Variants in PDGFRA observed in about 807,000 individuals in gnomAD.
The protein encoded by PDGFRA is platelet derived growth factor receptor alpha, also known as platelet-derived growth factor receptor alpha.
Under a neutral mutation model 121.5 loss-of-function variants are expected in PDGFRA, and 25 were observed. That is an observed-to-expected ratio of 0.21 (90% confidence interval 0.15 to 0.29). PDGFRA has a LOEUF of 0.29. PDGFRA is among the 10% of genes least tolerant of loss of function. The pLI, the probability that PDGFRA is intolerant of heterozygous loss-of-function variation, is 1.00. For synonymous variants in PDGFRA, 463 were observed against 494.8 expected, an observed-to-expected ratio of 0.94 and a Z score of 0.85; for missense variants, 1,008 against 1,345.1, an observed-to-expected ratio of 0.75 and a Z score of 3.92.
chr4:54,241,603 G>A (rs1182032855), intron 1 of PDGFRA, among the ~76,000 whole-genome samples: 1 of 151,932 alleles, frequency 6.6e-6, no homozygotes, highest in Non-Finnish European at 1.5e-5. Context: ...AGGCTGGAGT[G>A]CAATGTCATG....
intron 9 of PDGFRA, among the ~76,000 whole-genome samples, chr4:54,272,834 G>C (rs1489152020): frequency 6.6e-6 from 1 of 152,160 alleles, no homozygotes; most frequent in African/African-American, 2.4e-5. Context: ...AAACATAAAT[G>C]TGACTGCTTA....
intron 21 of PDGFRA, among the ~76,000 whole-genome samples, chr4:54,289,823 A>G (rs749390721): frequency 5.3e-5 from 8 of 152,254 alleles, no homozygotes; most frequent in Non-Finnish European, 7.3e-5. Flanking sequence ...GCAGAAGGAA[A>G]TTAACCCTCA....
intron 7 of PDGFRA, among the ~76,000 whole-genome samples, chr4:54,269,729 G>A (rs994916859): frequency 2.0e-5 from 3 of 146,894 alleles, no homozygotes; most frequent in Non-Finnish European, 4.4e-5. Context: ...TGCAACCTCC[G>A]CCTCCTGGGT....
Position 54,269,797 on chromosome 4 carries a change from C to G in PDGFRA, c.1122-836C>G, listed in dbSNP as rs563086228. The stretch of plus-strand genomic sequence containing the variant: ...AGCTGGGATTACAGGCATGTGCCAC[C>G]ATGCCTGGCTAATTTTTTTTTTTTT... On this transcript the variant is annotated intron_variant, in intron 7 of 22. Transcript: ENST00000257290. Among the ~76,000 whole-genome samples, 20 of 146,614 alleles carry G rather than the reference C, an allele frequency of 1.4e-4. No homozygotes were observed. The East Asian group carries it at 3.6e-3, about 26-fold the overall frequency.
At chr4:54,232,680 G>T (rs1720751825) in intron 1 of PDGFRA, among the ~76,000 whole-genome samples, 1 of 152,200 alleles carries the variant, frequency 6.6e-6, no homozygotes, top group South Asian at 2.1e-4. Flanking sequence ...TGCCTCCCAG[G>T]TTCAAGCGAT....
Position 54,272,481 on chromosome 4 carries a change from T to C in PDGFRA, c.1325T>C (p.Leu442Pro), listed in dbSNP as rs139236922. ...TVRCTAEGTP[L>P]PDIEWMICKD... The stretch of plus-strand genomic sequence containing the variant: ...AGGTGCACAGCTGAAGGCACGCCGC[T>C]TCCTGATATTGAGTGGATGATATGC... The change falls in exon 9 of 23, where the codon CTT (leucine) becomes CCT (proline). Residue 442 changes from leucine to proline, a missense_variant. Leu to Pro is a moderately conservative substitution (Grantham distance 98). Coordinates refer to ENST00000257290, the MANE Select transcript of PDGFRA (RefSeq NM_006206.6). 1,523 of 1,614,070 alleles carry C rather than the reference T, an allele frequency of 9.4e-4. 1 individual carries two copies. Among genetic ancestry groups the C allele is most frequent in the Non-Finnish European group, 1.2e-3 (1,395 of 1,179,956 alleles).
intron 10 of PDGFRA, 147 bp from the exon 11 acceptor site, chr4:54,274,384 G>T: frequency 1.4e-6 from 1 of 702,392 alleles, no homozygotes; most frequent in South Asian, 1.5e-5. Flanking sequence ...AGATGGTACT[G>T]CCTATCCCTA....
At chr4:54,281,527 C>T (rs1724076386) in intron 16 of PDGFRA, 1 of 1,216,594 alleles carries the variant, frequency 8.2e-7, no homozygotes, top group Admixed American at 2.3e-5. Flanking sequence ...TTATCGGAAC[C>T]AGTACTTCCT....
chr4:54,248,487 T>C (rs191497494), intron 1 of PDGFRA, among the ~76,000 whole-genome samples: 1 of 152,218 alleles, frequency 6.6e-6, no homozygotes, highest in Non-Finnish European at 1.5e-5. Context: ...ATTTAATAAA[T>C]GGTGCTGGGA....
At chr4:54,241,517 T>C in intron 1 of PDGFRA, among the ~76,000 whole-genome samples, 1 of 136,622 alleles carries the variant, frequency 7.3e-6, no homozygotes, top group South Asian at 2.2e-4. Context: ...GAAAGGAAAT[T>C]TATTTATTTA....
intron 14 of PDGFRA, 155 bp from the exon 15 acceptor site, chr4:54,278,207 A>T (rs1489101549): frequency 1.2e-4 from 86 of 740,572 alleles, no homozygotes; most frequent in Non-Finnish European, 2.2e-5. Context: ...AGTCATAGCC[A>T]TTCATGGCTC....
In PDGFRA at chr4:54,295,534, T is replaced by C; in HGVS notation, c.*262T>C. 2.0e-6 allele frequency: 1 copy of C among 507,304 alleles called. No homozygotes were observed. Among genetic ancestry groups the C allele is most frequent in the South Asian group, 2.2e-5 (1 of 46,182 alleles). 31.4% of individuals were successfully genotyped at this position (507,304 alleles called of 1,614,324 possible). A position where few individuals can be genotyped will look rare whatever the true frequency, so the allele number is the denominator to read the frequency against. ...TGGAGATAGATGGATAAGGGAATAA[T>C]AGGCCACAGAAGGTGAACTTTGTGC... On this transcript the variant is annotated 3_prime_UTR_variant, in exon 23 of 23. Transcript: ENST00000257290.
chr4:54,271,977 CCT>C (rs1560477201), intron 8 of PDGFRA, among the ~76,000 whole-genome samples: 1 of 2,014 alleles, frequency 5.0e-4, no homozygotes. Context: ...TCCCCCCTCC[CCT>C]CCCCCTCCCC....
rs1411626176 is a variant in PDGFRA at position 54,296,357 on chromosome 4, A to G, written c.*1085A>G. On this transcript the variant is annotated 3_prime_UTR_variant, in exon 23 of 23. Coordinates refer to ENST00000257290, the MANE Select transcript of PDGFRA (RefSeq NM_006206.6). ...ATATAATGATCAGCAAAAAGACTGG[A>G]TTTGCAGAAGTTTTTTTTTTTTTTT... The G allele has an allele frequency of 2.6e-5, 5 of 192,016 alleles. No homozygotes were observed. The highest frequency in any genetic ancestry group is 4.7e-5 in the Non-Finnish European group (5 of 105,404). 11.9% of individuals were successfully genotyped at this position (192,016 alleles called of 1,614,324 possible). A position where few individuals can be genotyped will look rare whatever the true frequency, so the allele number is the denominator to read the frequency against.
chr4:54,257,432 C>T (rs2110231730), intron 1 of PDGFRA, among the ~76,000 whole-genome samples: 1 of 152,262 alleles, frequency 6.6e-6, no homozygotes, highest in South Asian at 2.1e-4. Flanking sequence ...TGCTTGAATT[C>T]CTTCCTGGGT....
intron 1 of PDGFRA, among the ~76,000 whole-genome samples, chr4:54,233,622 C>T (rs1009324785): frequency 3.6e-4 from 55 of 152,360 alleles, no homozygotes; most frequent in Admixed American, 1.8e-3. Flanking sequence ...GTGGACTCCT[C>T]GCAGGCTCTG....
intron 3 of PDGFRA, among the ~76,000 whole-genome samples, 170 bp downstream of exon 3, chr4:54,261,582 T>C (rs564189490): frequency 5.9e-5 from 9 of 152,156 alleles, no homozygotes; most frequent in South Asian, 2.1e-4. Context: ...GAAATATTCA[T>C]TGTTAGCATT....
chr4:54,242,103 T>C (rs1411018919), intron 1 of PDGFRA, among the ~76,000 whole-genome samples: 1 of 152,204 alleles, frequency 6.6e-6, no homozygotes, highest in African/African-American at 2.4e-5. Flanking sequence ...TGTTTCAGGC[T>C]GTGGCTCAAT....
intron 12 of PDGFRA, among the ~76,000 whole-genome samples, chr4:54,276,335 G>C (rs1232177405): frequency 6.6e-6 from 1 of 150,576 alleles, no homozygotes; most frequent in East Asian, 2.0e-4. Flanking sequence ...ACTGATTCGA[G>C]TAATAGTAGT....
Sources: gnomAD v4.1 joint callset for allele counts (sites outside exome capture counted in the v4.1 genomes callset) on GRCh38, gnomAD v4.1.1 for gene constraint, MANE v1.5 for transcripts, NCBI Gene and HGNC (gene_info 2026-07-23, HGNC 2026-07-21) for gene names.